Variants in ZRANB3 observed in about 807,000 individuals in gnomAD.
The protein encoded by ZRANB3 is zinc finger RANBP2-type containing 3.
ZRANB3 carries 125 observed loss-of-function variants against 133.8 expected under a neutral mutation model. The observed-to-expected ratio is 0.93, with a 90% CI of 0.81 to 1.08. The LOEUF is 1.08. Among genes scored for constraint, ZRANB3 ranks in the 50% least tolerant of loss-of-function variants. The pLI, the probability that ZRANB3 is intolerant of heterozygous loss-of-function variation, is 0.00. For synonymous variants in ZRANB3, 387 were observed against 432.7 expected (o/e 0.89, Z 1.31); for missense variants, 1,229 against 1,275.5 (o/e 0.96, Z 0.56).
chr2:135,511,811 AT>A, intron 1 of ZRANB3: 1 of 761,142 alleles, frequency 1.3e-6, no homozygotes, highest in Middle Eastern at 2.5e-4. Flanking sequence ...TTTGAATCCA[AT>A]CCCCCATGGA....
At chr2:135,482,445 G>C (rs1017096198) in intron 2 of ZRANB3, among the ~76,000 whole-genome samples, 5 of 149,292 alleles carry the variant, frequency 3.3e-5, no homozygotes, top group South Asian at 2.2e-4. Flanking sequence ...AAGAATGCTT[G>C]TGATTTTTGT....
At chr2:135,259,870 A>G (rs962205580) in intron 12 of ZRANB3, among the ~76,000 whole-genome samples, 1 of 152,122 alleles carries the variant, frequency 6.6e-6, no homozygotes, top group African/African-American at 2.4e-5. Flanking sequence ...GGGGGCTTAG[A>G]CGCCATCTAG....
rs577494633 is a variant in ZRANB3 at position 135,217,944 on chromosome 2, C to T, written c.2353-337G>A. 2.6e-5 allele frequency among the ~76,000 whole-genome samples: 4 copies of T among 152,236 alleles called. No homozygotes were observed. The East Asian group carries it at 7.7e-4, about 29-fold the overall frequency. ...CCTGCTGCCTTAGTCTCCTGAGTAG[C>T]TGGGACTACAGGCACATGCCACCAT... On this transcript the variant is annotated intron_variant, in intron 16 of 20. Coordinates refer to ENST00000264159, the MANE Select transcript of ZRANB3 (RefSeq NM_032143.4).
chr2:135,268,408 C>T (rs1680348914), intron 11 of ZRANB3, among the ~76,000 whole-genome samples: 2 of 152,136 alleles, frequency 1.3e-5, no homozygotes, highest in South Asian at 4.1e-4. Context: ...CTCAGGTGAT[C>T]CACCCATCTC....
At chr2:135,396,523 G>A (rs2104933082) in intron 2 of ZRANB3, among the ~76,000 whole-genome samples, 1 of 152,244 alleles carries the variant, frequency 6.6e-6, no homozygotes, top group East Asian at 1.9e-4. Context: ...AACATGGGTG[G>A]AACTAGAGGT....
chr2:135,235,834 C>T (rs1484041239), intron 12 of ZRANB3, among the ~76,000 whole-genome samples: 2 of 150,372 alleles, frequency 1.3e-5, no homozygotes, highest in Admixed American at 1.3e-4. Context: ...CAATATCATA[C>T]TGAATGGACA....
At position 135,417,554 on chromosome 2, in the gene ZRANB3, G is replaced by A. The variant is rs191349271; in HGVS notation, c.162-26734C>T. ...CAGCCATTGTGGAAATCAGGGTGGC[G>A]ATTCCTCAGGGATCTACAACTAGAA... On this transcript the variant is annotated intron_variant, in intron 2 of 20. Coordinates refer to ENST00000264159, the MANE Select transcript of ZRANB3 (RefSeq NM_032143.4). Among the ~76,000 whole-genome samples the A allele has an allele frequency of 2.8e-3, 426 of 152,234 alleles. 3 individuals carry two copies. Among genetic ancestry groups the A allele is most frequent in the Admixed American group, 1.8e-3 (27 of 15,284 alleles).
At chr2:135,475,278 T>C (rs1412971953) in intron 2 of ZRANB3, among the ~76,000 whole-genome samples, 1 of 152,214 alleles carries the variant, frequency 6.6e-6, no homozygotes, top group Non-Finnish European at 1.5e-5. Context: ...TCACTTAACA[T>C]TGGGGTCCCA....
chr2:135,358,577 C>G (rs534743985), intron 3 of ZRANB3, among the ~76,000 whole-genome samples: 1 of 152,056 alleles, frequency 6.6e-6, no homozygotes. Flanking sequence ...TAAAAAAATA[C>G]GACTGCCATT....
intron 12 of ZRANB3, among the ~76,000 whole-genome samples, chr2:135,241,194 T>C (rs1366905589): frequency 2.0e-5 from 3 of 152,138 alleles, no homozygotes; most frequent in Admixed American, 2.0e-4. Flanking sequence ...TAGTAGAATG[T>C]TAGACTTACA....
chr2:135,470,918 C>T (rs1691239255), intron 2 of ZRANB3, among the ~76,000 whole-genome samples: 1 of 150,684 alleles, frequency 6.6e-6, no homozygotes, highest in Non-Finnish European at 1.5e-5. Context: ...TCTCCTACCT[C>T]AGCCTCCTGA....
chr2:135,451,449 C>CCTG (rs1690263214), intron 2 of ZRANB3, among the ~76,000 whole-genome samples: 2 of 152,048 alleles, frequency 1.3e-5, no homozygotes. Context: ...GTAATCCCAG[C>CCTG]TACTTGGGAG....
At position 135,273,884 on chromosome 2, in the gene ZRANB3, A is replaced by G. The variant is rs538241724; in HGVS notation, c.1086+1752T>C. Among the ~76,000 whole-genome samples, 6 of 152,276 alleles carry G rather than the reference A, an allele frequency of 3.9e-5. No individual in the cohort carries two copies. The South Asian group carries it at 6.2e-4, about 16-fold the overall frequency. ...AGTAAAGCTAAATGGGATTCTAAAC[A>G]TATCAGTAAAATGGATGTAAGAAAA... On this transcript the variant is annotated intron_variant, in intron 9 of 20. Coordinates refer to ENST00000264159, the MANE Select transcript of ZRANB3 (RefSeq NM_032143.4).
At chr2:135,310,347 A>G (rs1384936601) in intron 8 of ZRANB3, among the ~76,000 whole-genome samples, 1 of 152,196 alleles carries the variant, frequency 6.6e-6, no homozygotes, top group Non-Finnish European at 1.5e-5. Flanking sequence ...TACATTGCCA[A>G]TTGGTTTTTG....
At chr2:135,475,231 C>G (rs1252585450) in intron 2 of ZRANB3, among the ~76,000 whole-genome samples, 1 of 152,146 alleles carries the variant, frequency 6.6e-6, no homozygotes, top group Non-Finnish European at 1.5e-5. Context: ...ATAGAAAAAA[C>G]CCTTTCTTAC....
chr2:135,510,009 G>A (rs530812256), intron 1 of ZRANB3, among the ~76,000 whole-genome samples: 4 of 152,094 alleles, frequency 2.6e-5, no homozygotes, highest in South Asian at 2.1e-4. Context: ...ACATACCAGC[G>A]AGAATCAAAA....
chr2:135,462,735 G>A (rs1690819505), intron 2 of ZRANB3, among the ~76,000 whole-genome samples: 1 of 151,864 alleles, frequency 6.6e-6, no homozygotes, highest in African/African-American at 2.4e-5. Flanking sequence ...TGGGATTACA[G>A]GTGCCCACCA....
intron 8 of ZRANB3, among the ~76,000 whole-genome samples, chr2:135,291,296 C>G (rs1558891337): frequency 6.6e-6 from 1 of 152,114 alleles, no homozygotes; most frequent in Non-Finnish European, 1.5e-5. Flanking sequence ...GATTCTCCAG[C>G]CTCAGCATCC....
chr2:135,255,386 A>G (rs1679606201), intron 12 of ZRANB3, among the ~76,000 whole-genome samples: 1 of 152,146 alleles, frequency 6.6e-6, no homozygotes, highest in Admixed American at 6.5e-5. Flanking sequence ...TACAAAGAAA[A>G]TAATTTTGAA....
Sources: allele counts gnomAD v4.1 joint callset (sites outside exome capture counted in the v4.1 genomes callset), GRCh38; gene constraint gnomAD v4.1.1; transcripts MANE v1.5; gene names NCBI Gene and HGNC (gene_info 2026-07-23, HGNC 2026-07-21).